Variants in ALKBH3 observed in about 807,000 individuals in gnomAD.
ALKBH3 encodes alpha-ketoglutarate-dependent dioxygenase alkB homolog 3.
Under a neutral mutation model 43.9 loss-of-function variants are expected in ALKBH3, and 51 were observed. That is an observed-to-expected ratio of 1.16 (90% CI 0.93 to 1.47). ALKBH3 has a LOEUF of 1.47. Among genes scored for constraint, ALKBH3 ranks in the 40% most tolerant of loss-of-function variants. ALKBH3 has a pLI of 0.00. For missense variants in ALKBH3, 361 were observed against 351.9 expected (o/e 1.03, Z -0.21); for synonymous variants, 102 against 115.2 (o/e 0.89, Z 0.73).
chr11:43,881,516 A>G (rs1159754886), intron 1 of ALKBH3: 6 of 152,266 alleles, frequency 3.9e-5, no homozygotes, highest in Non-Finnish European at 8.8e-5. Context: ...CAATTGAGAG[A>G]ACATGTCAAA....
chr11:43,898,309 G>A (rs1333520114), intron 7 of ALKBH3: 4 of 724,834 alleles, frequency 5.5e-6, no homozygotes, highest in Non-Finnish European at 1.0e-5. Flanking sequence ...TATTGACAAA[G>A]CCAGAGAGAT....
intron 7 of ALKBH3, among the ~76,000 whole-genome samples, chr11:43,896,268 TACACACAC>T (rs71035662): frequency 1.2e-4 from 17 of 147,264 alleles, no homozygotes; most frequent in African/African-American, 1.8e-4. Flanking sequence ...ATAGGATAGA[TACACACAC>T]ACACACACAC....
chr11:43,912,705 G>T lies in ALKBH3; in HGVS notation c.670-6333G>T, dbSNP rs1481922897. Among the ~76,000 whole-genome samples, 12 of 152,008 alleles carry T rather than the reference G, an allele frequency of 7.9e-5. 1 individual carries two copies. Among genetic ancestry groups the T allele is most frequent in the Non-Finnish European group, 1.3e-4 (9 of 68,010 alleles). ...AATGACTTTTTCTGATTGAGTTAGGGGTGAGATGAAGAATGTGATAATTTT... is the reference window on the plus strand; with the variant it reads ...AATGACTTTTTCTGATTGAGTTAGGTGTGAGATGAAGAATGTGATAATTTT... On this transcript the variant is annotated intron_variant, in intron 8 of 9. Transcript: ENST00000302708.
rs1230692092 is a variant in ALKBH3, at chr11:43,888,241, G to A, written c.267-1484G>A. On this transcript the variant is annotated intron_variant, in intron 5 of 9. Transcript: ENST00000302708. ...CGAGTAGCTGGGATTACAGGTGTGCGCCACCACACCTGGCTAATTTTGTAT... is the reference window on the plus strand; with the variant it reads ...CGAGTAGCTGGGATTACAGGTGTGCACCACCACACCTGGCTAATTTTGTAT... 3.3e-5 allele frequency among the ~76,000 whole-genome samples: 3 copies of A among 90,348 alleles called. 1 individual carries two copies. The highest frequency in any genetic ancestry group is 4.5e-4 in the East Asian group (1 of 2,238). The allele number at this position is 90,348 out of a possible 152,430, so 59.3% of individuals were successfully genotyped here.
chr11:43,904,839 G>C (rs117963290), intron 8 of ALKBH3, among the ~76,000 whole-genome samples: 88 of 152,182 alleles, frequency 5.8e-4, no homozygotes, highest in Middle Eastern at 3.4e-3. Context: ...TAAAAATTAG[G>C]TTAGTCTTCT....
chr11:43,890,858 G>A (rs1056927158), intron 6 of ALKBH3, among the ~76,000 whole-genome samples: 1 of 151,776 alleles, frequency 6.6e-6, no homozygotes, highest in South Asian at 2.1e-4. Context: ...GTGAGACTCC[G>A]TCTCAAAAAA....
chr11:43,898,055 C>A, intron 7 of ALKBH3: 2 of 965,484 alleles, frequency 2.1e-6, no homozygotes, highest in Non-Finnish European at 3.4e-6. Context: ...GTTGTCATCC[C>A]AGATGCTGTC....
chr11:43,885,952 G>A (rs1951743545), intron 4 of ALKBH3, among the ~76,000 whole-genome samples: 1 of 152,176 alleles, frequency 6.6e-6, no homozygotes, highest in South Asian at 2.1e-4. Flanking sequence ...GTTTTCCACT[G>A]GACCAAAGCT....
chr11:43,889,496 C>A (rs1034079230), intron 5 of ALKBH3, among the ~76,000 whole-genome samples: 1 of 152,178 alleles, frequency 6.6e-6, no homozygotes, highest in Non-Finnish European at 1.5e-5. Flanking sequence ...CCTATCATCC[C>A]TTTATCCTTC....
chr11:43,883,221 A>G (rs1264550280), intron 3 of ALKBH3, 33 bp downstream of exon 3: 1 of 1,551,196 alleles, frequency 6.4e-7, no homozygotes, highest in African/African-American at 1.4e-5. Context: ...AATAGTGATA[A>G]AAATTTGCTT....
Position 43,888,693 on chromosome 11 carries a change from C to T in ALKBH3, c.267-1032C>T, listed in dbSNP as rs117047332. ...AGAAAACCAGTTTTATTGTTTTGGT[C>T]ATATCTCATTGTTAACTAGATACGG... On this transcript the variant is annotated intron_variant, in intron 5 of 9. Transcript: ENST00000302708. Among the ~76,000 whole-genome samples, 10 of 152,176 alleles carry T rather than the reference C, an allele frequency of 6.6e-5. No individual in the cohort carries two copies. The East Asian group carries it at 1.9e-3, about 29-fold the overall frequency.
chr11:43,899,006 T>C, intron 7 of ALKBH3: 1 of 753,308 alleles, frequency 1.3e-6, no homozygotes, highest in Non-Finnish European at 2.5e-6. Flanking sequence ...TCTACCACTC[T>C]GCAAGCATCT....
intron 8 of ALKBH3, 95 bp downstream of exon 8, chr11:43,901,820 T>C: frequency 7.1e-7 from 1 of 1,403,016 alleles, no homozygotes; most frequent in Non-Finnish European, 9.8e-7. Context: ...ATTTCGAGCA[T>C]GGGAATACAC....
At chr11:43,905,556 T>C (rs1204730992) in intron 8 of ALKBH3, among the ~76,000 whole-genome samples, 1 of 152,180 alleles carries the variant, frequency 6.6e-6, no homozygotes, top group Non-Finnish European at 1.5e-5. Context: ...CTCAGGGGCA[T>C]AGTAGACTTG....
intron 8 of ALKBH3, among the ~76,000 whole-genome samples, chr11:43,905,910 T>G (rs966836477): frequency 2.0e-5 from 3 of 152,228 alleles, no homozygotes; most frequent in Admixed American, 6.5e-5. Context: ...CAGGCTGCTA[T>G]TTCTCTGTCG....
chr11:43,901,474 T>G (rs756412521), intron 7 of ALKBH3, 42 bp from the exon 8 acceptor site: 1 of 1,606,080 alleles, frequency 6.2e-7, no homozygotes, highest in Non-Finnish European at 8.5e-7. Flanking sequence ...ATTTTGTGTG[T>G]AATGCGACTG....
At chr11:43,895,278 G>T (rs1951810809) in intron 7 of ALKBH3, among the ~76,000 whole-genome samples, 2 of 152,170 alleles carry the variant, frequency 1.3e-5, no homozygotes, top group African/African-American at 4.8e-5. Context: ...TGTATCAAGG[G>T]CAGGGCCAGG....
chr11:43,903,650 G>T (rs1264494481), intron 8 of ALKBH3, among the ~76,000 whole-genome samples: 2 of 151,962 alleles, frequency 1.3e-5, no homozygotes, highest in African/African-American at 4.8e-5. Flanking sequence ...GTATAATAAT[G>T]GTTTTTAGTT....
At chr11:43,892,183 G>A (rs1298200728) in intron 7 of ALKBH3, 54 bp downstream of exon 7, 1 of 1,442,422 alleles carries the variant, frequency 6.9e-7, no homozygotes, top group Non-Finnish European at 9.7e-7. Flanking sequence ...ACTATGTGTT[G>A]AGTGCTATAA....
Sources: gnomAD v4.1 joint callset for allele counts (sites outside exome capture counted in the v4.1 genomes callset) on GRCh38, gnomAD v4.1.1 for gene constraint, MANE v1.5 for transcripts, NCBI Gene and HGNC (gene_info 2026-07-23, HGNC 2026-07-21) for gene names.